The following MRAS variants were observed in gnomAD, a reference collection of about 807,000 sequenced individuals.
The protein encoded by MRAS is ras-related protein M-Ras.
In MRAS, 4 loss-of-function variants were observed where a neutral mutation model predicts 20.9. The ratio of observed to expected loss-of-function variants is 0.19; its 90% confidence interval spans 0.09 to 0.44. MRAS has a LOEUF of 0.44. MRAS is among the 20% of genes least tolerant of loss of function. The probability of loss-of-function intolerance (pLI) is 0.99; values close to 1 mark genes in which losing one functional copy is unlikely to be tolerated. For missense variants in MRAS, 154 were observed against 277.5 expected (o/e 0.56, Z 3.16); for synonymous variants, 98 against 102.9 (o/e 0.95, Z 0.29).
intron 1 of MRAS, among the ~76,000 whole-genome samples, chr3:138,365,510 T>C (rs2054541514): frequency 6.6e-6 from 1 of 152,210 alleles, no homozygotes; most frequent in African/African-American, 2.4e-5. Context: ...TTCTGTCTGA[T>C]CATTTCTGCT....
intron 2 of MRAS, among the ~76,000 whole-genome samples, chr3:138,394,152 C>G (rs1228993491): frequency 6.6e-6 from 1 of 151,828 alleles, no homozygotes; most frequent in Non-Finnish European, 1.5e-5. Context: ...TTCCTGCTCC[C>G]TCCTGGGAAA....
chr3:138,348,163 G>C (rs1576329474), upstream of MRAS: 1 of 152,316 alleles, frequency 6.6e-6, no homozygotes, highest in Non-Finnish European at 1.5e-5. Flanking sequence ...GGTGGCGGCG[G>C]AGGTTCGCCT....
chr3:138,385,679 C>A (rs1226198110), intron 2 of MRAS, among the ~76,000 whole-genome samples: 2 of 151,990 alleles, frequency 1.3e-5, no homozygotes, highest in Non-Finnish European at 2.9e-5. Context: ...CCACACACAG[C>A]TAATTTTTGT....
chr3:138,392,030 C>T (rs539450881), intron 2 of MRAS, among the ~76,000 whole-genome samples: 6 of 152,162 alleles, frequency 3.9e-5, no homozygotes, highest in South Asian at 2.1e-4. Context: ...CCTAGCTACT[C>T]GGGAGGCTGA....
At chr3:138,389,184 A>G (rs1328665161) in intron 2 of MRAS, among the ~76,000 whole-genome samples, 3 of 152,082 alleles carry the variant, frequency 2.0e-5, no homozygotes, top group Non-Finnish European at 4.4e-5. Context: ...GATCTCCCCT[A>G]AAGCTGGGGG....
At chr3:138,396,553 C>A (rs371166337) in intron 2 of MRAS, among the ~76,000 whole-genome samples, 6 of 152,352 alleles carry the variant, frequency 3.9e-5, no homozygotes, top group Non-Finnish European at 8.8e-5. Context: ...AGGAACCCCC[C>A]ACCCTGCCTA....
chr3:138,356,334 C>T (rs989880342), intron 1 of MRAS, among the ~76,000 whole-genome samples: 1 of 152,136 alleles, frequency 6.6e-6, no homozygotes, highest in Non-Finnish European at 1.5e-5. Context: ...TAGGAGCTGA[C>T]CATTTATGGG....
intron 2 of MRAS, among the ~76,000 whole-genome samples, chr3:138,393,568 AT>A (rs1013530496): frequency 5.9e-5 from 9 of 151,858 alleles, no homozygotes; most frequent in African/African-American, 2.4e-5. Flanking sequence ...CTCCCTATTA[AT>A]TTTTTTTAAT....
chr3:138,374,872 A>G (rs1287371076), intron 2 of MRAS, among the ~76,000 whole-genome samples: 2 of 152,054 alleles, frequency 1.3e-5, no homozygotes, highest in Non-Finnish European at 2.9e-5. Context: ...AATGTGGTAA[A>G]TTACATTGAT....
At chr3:138,378,375 A>G (rs1284195028) in intron 2 of MRAS, among the ~76,000 whole-genome samples, 2 of 152,256 alleles carry the variant, frequency 1.3e-5, no homozygotes, top group African/African-American at 4.8e-5. Flanking sequence ...AGGGGCCAGC[A>G]GCCAGGCTCT....
intron 2 of MRAS, among the ~76,000 whole-genome samples, chr3:138,383,464 A>G (rs1297128556): frequency 6.6e-6 from 1 of 152,128 alleles, no homozygotes; most frequent in East Asian, 1.9e-4. Flanking sequence ...CTAAAGCACT[A>G]GGATTACAGA....
At position 138,367,818 on chromosome 3, in the gene MRAS, C is replaced by A. The variant is rs150978701; in HGVS notation, c.-18-5048C>A. Among the ~76,000 whole-genome samples the A allele has an allele frequency of 5.1e-3, 771 of 152,348 alleles. 2 individuals are homozygous for A. Among genetic ancestry groups the A allele is most frequent in the Non-Finnish European group, 8.2e-3 (561 of 68,032 alleles). On this transcript the variant is annotated intron_variant, in intron 1 of 5. Transcript: ENST00000423968. Reference sequence around the variant, plus strand: ...AATCTGGCATTCAGGGAAACAACTTCAAACCATGCAAGAAGGTTCTACCTA... The same window carrying A: ...AATCTGGCATTCAGGGAAACAACTTAAAACCATGCAAGAAGGTTCTACCTA...
At chr3:138,350,035 C>G (rs1236514892) in intron 1 of MRAS, 2 of 152,140 alleles carry the variant, frequency 1.3e-5, no homozygotes, top group East Asian at 1.9e-4. Context: ...TCTGGTGCAG[C>G]CTGTGTTAGA....
At position 138,389,318 on chromosome 3, in the gene MRAS, G is replaced by A. The variant is rs544659753; in HGVS notation, c.194-8006G>A. Among the ~76,000 whole-genome samples the A allele has an allele frequency of 2.4e-3, 366 of 151,856 alleles. 4 individuals are homozygous for A. Among genetic ancestry groups the A allele is most frequent in the East Asian group, 2.1e-3 (11 of 5,174 alleles). ...TGTGGGCCCAGGGAAATGAAAGCCA[G>A]GCTCCCACATTCTGGGACTCTACCC... On this transcript the variant is annotated intron_variant, in intron 2 of 5. Transcript: ENST00000423968.
At chr3:138,388,981 A>G (rs774411081) in intron 2 of MRAS, among the ~76,000 whole-genome samples, 2 of 151,908 alleles carry the variant, frequency 1.3e-5, no homozygotes, top group African/African-American at 2.4e-5. Context: ...TGCTGGGATT[A>G]CAGGTACCCA....
At chr3:138,349,148 T>G (rs2108485135) in intron 1 of MRAS, 1 of 151,908 alleles carries the variant, frequency 6.6e-6, no homozygotes, top group East Asian at 2.0e-4. Context: ...CGCCTTAAGA[T>G]GGCGTTAACG....
At chr3:138,389,993 G>A (rs1033694437) in intron 2 of MRAS, among the ~76,000 whole-genome samples, 1 of 151,526 alleles carries the variant, frequency 6.6e-6, no homozygotes, top group Non-Finnish European at 1.5e-5. Flanking sequence ...GGCGTGGGCA[G>A]TTTTCCTAGT....
In MRAS at chr3:138,400,538, C is replaced by T; in HGVS notation, c.452C>T (p.Pro151Leu). 6 of 1,611,774 alleles carry T rather than the reference C, an allele frequency of 3.7e-6. No homozygotes were observed. The highest frequency in any genetic ancestry group is 5.1e-6 in the Non-Finnish European group (6 of 1,177,886). Residue 151 changes from proline (P) to leucine (L), a missense_variant, in exon 5 of 6, where the codon CCG becomes CTG. By Grantham distance (98) the Pro-to-Leu change is moderately conservative. Around this residue, in one of 3 missense-constraint regions of MRAS, gnomAD observed 125 missense variants for 213.5 expected, o/e 0.59. Transcript: ENST00000423968. Reference sequence around the variant, plus strand: ...AAGTTGAGCTTTGCCTTCCAGATTCCGTACATAGAAACCAGTGCCAAGGAC... The same window carrying T: ...AAGTTGAGCTTTGCCTTCCAGATTCTGTACATAGAAACCAGTGCCAAGGAC... ...GKEMATKHNI[P>L]YIETSAKDPP...
intron 2 of MRAS, among the ~76,000 whole-genome samples, chr3:138,380,904 G>C (rs2054888920): frequency 6.6e-6 from 1 of 151,790 alleles, no homozygotes; most frequent in Non-Finnish European, 1.5e-5. Flanking sequence ...CGAGTAGCTG[G>C]GACTATAGGC....
Sources: allele counts gnomAD v4.1 joint callset (sites outside exome capture counted in the v4.1 genomes callset), GRCh38; gene constraint gnomAD v4.1.1; regional missense constraint gnomAD v4.1.1; transcripts MANE v1.5; gene names NCBI Gene and HGNC (gene_info 2026-07-23, HGNC 2026-07-21).